ADAMTSL5: variants seen among roughly 807,000 people sequenced by gnomAD.
The protein encoded by ADAMTSL5 is ADAMTS like 5.
ADAMTSL5 carries 53 observed loss-of-function variants against 51.7 expected under a neutral mutation model. The observed-to-expected ratio is 1.03, with a 90% CI of 0.82 to 1.29. The LOEUF is 1.29. Among genes scored for constraint, ADAMTSL5 ranks in the 50% most tolerant of loss-of-function variants. ADAMTSL5 has a pLI of 0.00. For synonymous variants in ADAMTSL5, 285 were observed against 278.7 expected, an observed-to-expected ratio of 1.02 and a Z score of -0.23; for missense variants, 770 against 676.2, an observed-to-expected ratio of 1.14 and a Z score of -1.54.
chr19:1,508,863 T>C (rs955921329), intron 5 of ADAMTSL5: 5 of 298,328 alleles, frequency 1.7e-5, no homozygotes, highest in African/African-American at 1.1e-4. Context: ...TTACTCATTC[T>C]TCATTCCACT....
At chr19:1,507,790 T>C in intron 7 of ADAMTSL5, 147 bp from the exon 8 acceptor site, 1 of 1,003,764 alleles carries the variant, frequency 1.0e-6, no homozygotes, top group Non-Finnish European at 1.5e-6. Flanking sequence ...GAGTTACAAT[T>C]ACTATTGCTT....
chr19:1,511,818 C>T (rs1913277302), intron 1 of ADAMTSL5: 23 of 326,194 alleles, frequency 7.1e-5, no homozygotes, highest in South Asian at 4.7e-4. Flanking sequence ...GCTCCCTCAG[C>T]TCCCAGACAG....
chr19:1,506,567 A>G lies in ADAMTSL5; in HGVS notation c.1114+23T>C, dbSNP rs774753709. The G allele has an allele frequency of 6.3e-7, 1 of 1,580,526 alleles. No homozygotes were observed. Among genetic ancestry groups the G allele is most frequent in the Non-Finnish European group, 8.6e-7 (1 of 1,159,710 alleles). On this transcript the variant is annotated intron_variant, in intron 11 of 11. Transcript: ENST00000330475. This position sits in a 1 kb window ranked among gnomAD's most constrained non-coding sequence, Gnocchi z 5.6. ...AGGCCAGGTTAGTAGGGGCTAAGTCAGGGTAGAGGTCGGGGGTCTCACCAA... is the reference window on the plus strand; with the variant it reads ...AGGCCAGGTTAGTAGGGGCTAAGTCGGGGTAGAGGTCGGGGGTCTCACCAA...
Position 1,506,526 on chromosome 19 carries a change from G to T in ADAMTSL5, c.1114+64C>A. Reference sequence around the variant, plus strand: ...GGGTCAAGGGTAAAGTCAGATTAGGGTCAGAGGTCAGGAGGAGGCCAGGTT... The same window carrying T: ...GGGTCAAGGGTAAAGTCAGATTAGGTTCAGAGGTCAGGAGGAGGCCAGGTT... On this transcript the variant is annotated intron_variant, in intron 11 of 11. Transcript: ENST00000330475. The surrounding 1 kb of genome is among the most constrained non-coding windows in gnomAD (Gnocchi z 5.6). The T allele has an allele frequency of 2.6e-6, 4 of 1,558,658 alleles. No homozygotes were observed. The highest frequency in any genetic ancestry group is 3.5e-6 in the Non-Finnish European group (4 of 1,142,136).
chr19:1,508,402 G>A (rs1913075821), intron 6 of ADAMTSL5, 41 bp downstream of exon 6: 5 of 1,486,848 alleles, frequency 3.4e-6, no homozygotes, highest in Non-Finnish European at 4.5e-6. Flanking sequence ...GGCCTGAGTG[G>A]GAGGTGGGCG....
intron 1 of ADAMTSL5, chr19:1,511,593 C>G: frequency 7.9e-7 from 1 of 1,267,406 alleles, no homozygotes; most frequent in Non-Finnish European, 1.0e-6. Flanking sequence ...CTGGGGCCCC[C>G]TCCCCGCCCT....
Position 1,510,984 on chromosome 19 carries a change from C to A in ADAMTSL5, c.-41G>T. 1 of 1,320,216 alleles carries A rather than the reference C, an allele frequency of 7.6e-7. No individual in the cohort carries two copies. The highest frequency in any genetic ancestry group is 3.7e-5 in the Admixed American group (1 of 26,846). 81.8% of individuals were successfully genotyped at this position (1,320,216 alleles called of 1,614,324 possible). Reference sequence around the variant, plus strand: ...GACACAGGGTTGTGTCCCGGCTCTGCCCTGACTGGCTGTGTGATCTTGGAA... The same window carrying A: ...GACACAGGGTTGTGTCCCGGCTCTGACCTGACTGGCTGTGTGATCTTGGAA... On this transcript the variant is annotated 5_prime_UTR_variant, in exon 2 of 12. Transcript: ENST00000330475.
At position 1,510,674 on chromosome 19, in the gene ADAMTSL5, C is replaced by A; in HGVS notation, c.156G>T (p.Gly52=). Residue 52 remains glycine, a synonymous_variant, in exon 3 of 12, where the codon GGG becomes GGT. Transcript: ENST00000330475. ...GCCGGCTGCGCACAGAGACGCCACG[C>A]CCGCAGGAGCTGGAGCAGCGGGTCC... ...VSWTRCSSSC[G]RGVSVRSRRC... is the part of the protein sequence containing the mutation. The A allele has an allele frequency of 6.5e-7, 1 of 1,542,258 alleles. No individual in the cohort carries two copies. Among genetic ancestry groups the A allele is most frequent in the Non-Finnish European group, 8.7e-7 (1 of 1,143,434 alleles).
intron 6 of ADAMTSL5, 35 bp from the exon 7 acceptor site, chr19:1,508,144 GCTGGGAGGGGCAGGAC>G (rs1913057460): frequency 6.4e-7 from 1 of 1,571,528 alleles, no homozygotes; most frequent in African/African-American, 1.4e-5. Context: ...CGTCACTGAC[GCTGGGAGGGGCAGGAC>G]CTGGGGAAAG....
At chr19:1,509,250 A>T (rs58976815) in intron 5 of ADAMTSL5, among the ~76,000 whole-genome samples, 1 of 121,654 alleles carries the variant, frequency 8.2e-6, no homozygotes, top group African/African-American at 3.5e-5. Context: ...GCGAGACTCC[A>T]TCTCAAAAAA....
chr19:1,508,031 A>G lies in ADAMTSL5; in HGVS notation c.568T>C (p.Cys190Arg). ...CGAAACACGCGCTGCACGAAAAGGC[A>G]CGAGTCGTTGGCGCCTCCGCAGCGG... is the stretch of plus-strand genomic sequence containing the variant. Reference protein sequence around the residue: ...CGRCGGANDSCLFVQRVFRDA... With the variant: ...CGRCGGANDSRLFVQRVFRDA... Residue 190 changes from cysteine (C) to arginine (R), a missense_variant, in exon 7 of 12, where the codon TGC (cysteine) becomes CGC (arginine). By Grantham distance (180) the Cys-to-Arg change is radical. Coordinates refer to ENST00000330475, the MANE Select transcript of ADAMTSL5 (RefSeq NM_213604.3). 1 of 1,607,724 alleles carries G rather than the reference A, an allele frequency of 6.2e-7. No individual in the cohort carries two copies. The highest frequency in any genetic ancestry group is 1.1e-5 in the South Asian group (1 of 90,090).
Position 1,505,996 on chromosome 19 carries a change from CCGGGGCTCCTGCAG to C in ADAMTSL5, c.*5_*18del. 6.6e-7 allele frequency: 1 copy of C among 1,523,168 alleles called. No individual in the cohort carries two copies. The highest frequency in any genetic ancestry group is 8.7e-7 in the Non-Finnish European group (1 of 1,143,364). 94.4% of individuals were successfully genotyped at this position (1,523,168 alleles called of 1,614,324 possible). A position where few individuals can be genotyped will look rare whatever the true frequency, so the allele number is the denominator to read the frequency against. On this transcript the variant is annotated 3_prime_UTR_variant, in exon 12 of 12. Coordinates refer to ENST00000330475, the MANE Select transcript of ADAMTSL5 (RefSeq NM_213604.3). ...GATGTATCTTTCTTGCTGTGTGTGG[CCGGGGCTCCTGCAG>C]GGGCTCAGCCAGGACAGCGCCGGGC...
In ADAMTSL5 at chr19:1,505,849, G is replaced by T. The variant is rs1053613532; in HGVS notation, c.*166C>A. 1 of 840,510 alleles carries T rather than the reference G, an allele frequency of 1.2e-6. No individual in the cohort carries two copies. 52.1% of individuals were successfully genotyped at this position (840,510 alleles called of 1,614,324 possible). A position where few individuals can be genotyped will look rare whatever the true frequency, so the allele number is the denominator to read the frequency against. ...CCGGCTTGTGACAGTGGCTTTGACT[G>T]CATGCAGAGGTGTCTTAAGCGTGTG... On this transcript the variant is annotated 3_prime_UTR_variant, in exon 12 of 12. Transcript: ENST00000330475.
At position 1,505,961 on chromosome 19, in the gene ADAMTSL5, A is replaced by C. The variant is rs1223116536; in HGVS notation, c.*54T>G. 2 of 1,459,198 alleles carry C rather than the reference A, an allele frequency of 1.4e-6. No homozygotes were observed. Among genetic ancestry groups the C allele is most frequent in the East Asian group, 2.5e-5 (1 of 40,666 alleles). The allele number at this position is 1,459,198 out of a possible 1,614,324, so 90.4% of individuals were successfully genotyped here. On this transcript the variant is annotated 3_prime_UTR_variant, in exon 12 of 12. Coordinates refer to ENST00000330475, the MANE Select transcript of ADAMTSL5 (RefSeq NM_213604.3). ...TGAGAGGGGAAATACGTTGACGTTG[A>C]GGCTGGTCAGATGTATCTTTCTTGC...
Position 1,511,062 on chromosome 19 carries a change from A to C in ADAMTSL5, c.-119T>G. ...TCTCGTCTCTGAAAAACGGGGTAATAGAGCCTCCCTTACAGGAAAGTTGAG... is the reference window on the plus strand; with the variant it reads ...TCTCGTCTCTGAAAAACGGGGTAATCGAGCCTCCCTTACAGGAAAGTTGAG... On this transcript the variant is annotated 5_prime_UTR_variant, in exon 2 of 12. Transcript: ENST00000330475. 1 of 751,386 alleles carries C rather than the reference A, an allele frequency of 1.3e-6. No homozygotes were observed. 46.5% of individuals were successfully genotyped at this position (751,386 alleles called of 1,614,324 possible).
At position 1,506,590 on chromosome 19, in the gene ADAMTSL5, CAA is replaced by C; in HGVS notation, c.1112_1113del (p.Phe371CysfsTer19). On this transcript the variant is annotated frameshift_variant and splice_region_variant, in exon 11 of 12. Transcript: ENST00000330475. LOFTEE classifies it high-confidence loss of function. This position sits in a 1 kb window ranked among gnomAD's most constrained non-coding sequence, Gnocchi z 5.6. Reference sequence around the variant, plus strand: ...TCAGGGTAGAGGTCGGGGGTCTCACCAAAGTCACTGCCGCAATAGTGGAGTAG... The same window carrying C: ...TCAGGGTAGAGGTCGGGGGTCTCACCAGTCACTGCCGCAATAGTGGAGTAG... The part of the protein sequence containing the change: ...HRLLHYCGSD[F>X]VFQARVLGHH... 2 of 1,570,966 alleles carry C rather than the reference CAA, an allele frequency of 1.3e-6. No individual in the cohort carries two copies. Among genetic ancestry groups the C allele is most frequent in the Non-Finnish European group, 1.7e-6 (2 of 1,154,604 alleles).
Position 1,507,338 on chromosome 19 carries a change from G to A in ADAMTSL5, c.756C>T (p.Tyr252=). Residue 252 remains tyrosine (Y), a synonymous_variant, in exon 9 of 12, where the codon TAC becomes TAT. Transcript: ENST00000330475. ...GHWVVSPPGT[Y]EAAGTHVVYT... ...AGACCACATGCGTGCCGGCCGCCTC[G>A]TAGGTCCCTGGTGGGCTGACCACCC... 6 of 1,594,702 alleles carry A rather than the reference G, an allele frequency of 3.8e-6. No individual in the cohort carries two copies. The Middle Eastern group carries it at 5.0e-4, about 134-fold the overall frequency.
chr19:1,508,312 G>A (rs1913069755), intron 6 of ADAMTSL5, 131 bp downstream of exon 6: 2 of 1,287,556 alleles, frequency 1.6e-6, no homozygotes, highest in African/African-American at 3.0e-5. Flanking sequence ...GGCCTGGAAG[G>A]GGAGGGGGAA....
chr19:1,512,336 A>G (rs1913302769), intron 1 of ADAMTSL5, among the ~76,000 whole-genome samples: 1 of 152,140 alleles, frequency 6.6e-6, no homozygotes, highest in Admixed American at 6.5e-5. Flanking sequence ...CTGAGCCTAG[A>G]GCCTGGGCTG....
Sources: gnomAD v4.1 joint callset for allele counts (sites outside exome capture counted in the v4.1 genomes callset) on GRCh38, gnomAD v4.1.1 for gene constraint, Gnocchi (gnomAD v3.1) non-coding constraint, MANE v1.5 for transcripts, NCBI Gene and HGNC (gene_info 2026-07-23, HGNC 2026-07-21) for gene names.